The following MPPED2 variants were observed in gnomAD, a reference collection of about 807,000 sequenced individuals.
MPPED2 encodes metallophosphoesterase domain containing 2, also known as metallophosphoesterase MPPED2.
MPPED2 carries 5 observed loss-of-function variants against 33.0 expected under a neutral mutation model. The observed-to-expected ratio is 0.15, with a 90% CI of 0.08 to 0.32. MPPED2 has a LOEUF of 0.32. Ranked by LOEUF, MPPED2 falls within the 10% of genes least tolerant of loss-of-function variation. MPPED2 has a pLI of 1.00. For synonymous variants in MPPED2, 136 were observed against 141.9 expected (o/e 0.96, Z 0.29); for missense variants, 275 against 372.1 (o/e 0.74, Z 2.15).
At chr11:30,572,411 A>T (rs1163420721) in intron 2 of MPPED2, among the ~76,000 whole-genome samples, 8 of 152,188 alleles carry the variant, frequency 5.3e-5, no homozygotes, top group Admixed American at 5.2e-4. Context: ...GGGAGTGTAT[A>T]GGAAAAAGAA....
At chr11:30,396,138 T>C (rs553238919) in intron 6 of MPPED2, among the ~76,000 whole-genome samples, 1 of 152,274 alleles carries the variant, frequency 6.6e-6, no homozygotes, top group African/African-American at 2.4e-5. Context: ...ATGAGAATCC[T>C]TGGGGACTAA....
At chr11:30,505,568 G>A (rs2134269593) in intron 3 of MPPED2, among the ~76,000 whole-genome samples, 1 of 152,322 alleles carries the variant, frequency 6.6e-6, no homozygotes, top group South Asian at 2.1e-4. Context: ...CTTTACAAAT[G>A]AGGGTCTTGG....
intron 4 of MPPED2, among the ~76,000 whole-genome samples, chr11:30,476,830 A>G (rs1951225844): frequency 1.3e-5 from 2 of 152,048 alleles, no homozygotes; most frequent in South Asian, 4.1e-4. Flanking sequence ...CTACAGATCA[A>G]TTTAGGGAGA....
intron 3 of MPPED2, among the ~76,000 whole-genome samples, chr11:30,535,138 T>A (rs1311441668): frequency 3.3e-5 from 5 of 152,204 alleles, no homozygotes; most frequent in South Asian, 2.1e-4. Context: ...ATCGAAAATT[T>A]AAAAAATTTT....
exon 7 of MPPED2, chr11:30,385,871 C>T (rs1947696779): frequency 6.6e-6 from 1 of 152,194 alleles, no homozygotes; most frequent in Admixed American, 6.5e-5. Context: ...TAATGTCACT[C>T]ACCCACTCCA....
chr11:30,515,241 G>A (rs951021911), intron 3 of MPPED2, among the ~76,000 whole-genome samples: 4 of 152,280 alleles, frequency 2.6e-5, no homozygotes, highest in Non-Finnish European at 5.9e-5. Context: ...AAGAATGGCT[G>A]GGTTTAGGAT....
intron 1 of MPPED2, among the ~76,000 whole-genome samples, chr11:30,583,464 C>T (rs1011179527): frequency 1.3e-5 from 2 of 151,938 alleles, no homozygotes; most frequent in Non-Finnish European, 2.9e-5. Flanking sequence ...ATCAAGAAGC[C>T]GAAAGAAAAA....
chr11:30,405,814 C>A (rs1241637015), downstream of MPPED2, among the ~76,000 whole-genome samples: 1 of 151,952 alleles, frequency 6.6e-6, no homozygotes, highest in Admixed American at 6.6e-5. Context: ...AATAAAAATC[C>A]TCCACCCAGG....
intron 2 of MPPED2, among the ~76,000 whole-genome samples, chr11:30,563,412 T>C (rs1956315186): frequency 6.6e-6 from 1 of 152,172 alleles, no homozygotes; most frequent in Non-Finnish European, 1.5e-5. Context: ...GCAGCTGATC[T>C]GACAGGAGGT....
At position 30,446,806 on chromosome 11, in the gene MPPED2, C is replaced by T. The variant is rs75109770; in HGVS notation, c.537-29173G>A. Among the ~76,000 whole-genome samples, 8 of 152,130 alleles carry T rather than the reference C, an allele frequency of 5.3e-5. No homozygotes were observed. In the South Asian group the frequency reaches 6.2e-4, roughly 12 times the overall value. ...ATTTGTTTGCCAAGACTGTCGGAGC[C>T]CCCCCCGACGCCAAGTCCCAGTCTA... On this transcript the variant is annotated intron_variant, in intron 4 of 6. Transcript: ENST00000358117.
chr11:30,471,699 A>G (rs1370671543), intron 4 of MPPED2, among the ~76,000 whole-genome samples: 1 of 152,230 alleles, frequency 6.6e-6, no homozygotes, highest in African/African-American at 2.4e-5. Flanking sequence ...GTCCATTCCC[A>G]TATTCCCAGC....
At chr11:30,577,448 A>G (rs1175579274) in intron 2 of MPPED2, among the ~76,000 whole-genome samples, 1 of 152,218 alleles carries the variant, frequency 6.6e-6, no homozygotes, top group African/African-American at 2.4e-5. Context: ...ATAAATGAGC[A>G]ACTACGCAAG....
At chr11:30,573,684 C>G (rs918466330) in intron 2 of MPPED2, among the ~76,000 whole-genome samples, 3 of 152,106 alleles carry the variant, frequency 2.0e-5, no homozygotes, top group African/African-American at 7.2e-5. Flanking sequence ...TTTTTTATTT[C>G]AATAGCTTTT....
chr11:30,560,208 A>G (rs201708372), intron 2 of MPPED2, among the ~76,000 whole-genome samples: 1 of 152,194 alleles, frequency 6.6e-6, no homozygotes, highest in Non-Finnish European at 1.5e-5. Context: ...GGAGAATCTT[A>G]CAATGACTTC....
At chr11:30,537,659 G>A (rs972582853) in intron 2 of MPPED2, among the ~76,000 whole-genome samples, 2 of 152,154 alleles carry the variant, frequency 1.3e-5, no homozygotes, top group African/African-American at 4.8e-5. Context: ...GAGCAAGAAG[G>A]AAGGGAGGAA....
At chr11:30,557,686 C>T (rs1956043308) in intron 2 of MPPED2, among the ~76,000 whole-genome samples, 1 of 152,156 alleles carries the variant, frequency 6.6e-6, no homozygotes, top group South Asian at 2.1e-4. Flanking sequence ...TTTCCGTCTC[C>T]CATATTCCCA....
intron 3 of MPPED2, among the ~76,000 whole-genome samples, chr11:30,500,092 C>T (rs1403923288): frequency 6.6e-6 from 1 of 152,172 alleles, no homozygotes; most frequent in Non-Finnish European, 1.5e-5. Flanking sequence ...CAAATGGTTA[C>T]TCAAAAATTA....
intron 2 of MPPED2, among the ~76,000 whole-genome samples, chr11:30,574,280 T>C (rs753782284): frequency 2.0e-5 from 3 of 152,176 alleles, no homozygotes; most frequent in South Asian, 2.1e-4. Context: ...TTTAGATATA[T>C]TTAGATACAC....
At chr11:30,424,161 T>A (rs1247823365) in intron 4 of MPPED2, among the ~76,000 whole-genome samples, 2 of 152,204 alleles carry the variant, frequency 1.3e-5, no homozygotes, top group East Asian at 3.8e-4. Context: ...TGGTCAGATT[T>A]TGACAAGATC....
Sources: gnomAD v4.1 joint callset for allele counts (sites outside exome capture counted in the v4.1 genomes callset) on GRCh38, gnomAD v4.1.1 for gene constraint, MANE v1.5 for transcripts, NCBI Gene and HGNC (gene_info 2026-07-23, HGNC 2026-07-21) for gene names.